Variants in MYOM1 observed in about 807,000 individuals in gnomAD.
The protein encoded by MYOM1 is myomesin 1.
A neutral mutation model predicts 205.3 loss-of-function variants in MYOM1; 164 were observed. The observed-to-expected ratio is 0.80, with a 90% CI of 0.70 to 0.91. The LOEUF (loss-of-function observed/expected upper bound fraction) is 0.91. MYOM1 is among the 40% of genes least tolerant of loss of function. The pLI, the probability that MYOM1 is intolerant of heterozygous loss-of-function variation, is 0.00. For synonymous variants in MYOM1, 772 were observed against 789.4 expected, an observed-to-expected ratio of 0.98 and a Z score of 0.37; for missense variants, 2,011 against 2,127.3, an observed-to-expected ratio of 0.95 and a Z score of 1.08.
intron 13 of MYOM1, among the ~76,000 whole-genome samples, chr18:3,148,844 C>CAAAA (rs71159049): frequency 4.6e-4 from 22 of 47,944 alleles, no homozygotes; most frequent in African/African-American, 7.2e-4. Context: ...AGACTCCATC[C>CAAAA]AAAAAAAAAA....
intron 10 of MYOM1, among the ~76,000 whole-genome samples, chr18:3,158,930 TG>T (rs770308879): frequency 2.0e-5 from 3 of 152,238 alleles, no homozygotes; most frequent in Non-Finnish European, 4.4e-5. Flanking sequence ...CAATTTTCAT[TG>T]TTTTGATTGC....
chr18:3,175,994 C>A (rs1352135456), intron 6 of MYOM1, 48 bp downstream of exon 6: 1 of 1,197,820 alleles, frequency 8.3e-7, no homozygotes, highest in Non-Finnish European at 1.2e-6. Context: ...GGGTGAGAAG[C>A]CTCCCTGAGC....
the MYOM1 span, among the ~76,000 whole-genome samples, chr18:3,238,392 G>T: frequency 1.3e-5 from 2 of 151,966 alleles, no homozygotes; most frequent in Non-Finnish European, 2.9e-5. Flanking sequence ...GGAGGCAGGG[G>T]GTGTTGGGGA....
At chr18:3,241,111 G>A in the MYOM1 span, among the ~76,000 whole-genome samples, 7 of 152,194 alleles carry the variant, frequency 4.6e-5, no homozygotes, top group Non-Finnish European at 1.0e-4. Flanking sequence ...GCCTGAAAAT[G>A]CAATAGAAAA....
intron 11 of MYOM1, among the ~76,000 whole-genome samples, chr18:3,153,571 G>A (rs1466673218): frequency 1.3e-5 from 2 of 152,044 alleles, no homozygotes; most frequent in Non-Finnish European, 2.9e-5. Context: ...ATGTGCCAAA[G>A]ACAATAAAGC....
At chr18:3,163,613 C>T (rs530095212) in intron 10 of MYOM1, among the ~76,000 whole-genome samples, 6 of 152,080 alleles carry the variant, frequency 3.9e-5, no homozygotes, top group East Asian at 3.9e-4. Context: ...CCACCATGCC[C>T]GGCTAATTTT....
chr18:3,191,488 T>C (rs2080904713), intron 3 of MYOM1, among the ~76,000 whole-genome samples: 1 of 152,178 alleles, frequency 6.6e-6, no homozygotes, highest in Admixed American at 6.5e-5. Flanking sequence ...ATGGTTTATA[T>C]AAAGCACCTT....
Position 3,188,788 on chromosome 18 carries a change from A to C in MYOM1, c.731T>G (p.Val244Gly). Residue 244 changes from valine to glycine, a missense_variant, in exon 4 of 38, where the codon GTG becomes GGG. Physicochemically the swap from Val to Gly is moderately radical, Grantham distance 109. Transcript: ENST00000356443. ...CAGGCGTTCTGCCTTTTCTCGAATC[A>C]CAACTTTCCTTGACTTCTTTTCAGA... is the stretch of plus-strand genomic sequence containing the variant. ...ETSEKKSRKV[V>G]IREKAERLSL... 1.9e-6 allele frequency: 3 copies of C among 1,604,102 alleles called. No homozygotes were observed. Among genetic ancestry groups the C allele is most frequent in the Non-Finnish European group, 1.7e-6 (2 of 1,173,058 alleles).
At chr18:3,090,287 T>C (rs1207802670) in intron 27 of MYOM1, among the ~76,000 whole-genome samples, 1 of 150,978 alleles carries the variant, frequency 6.6e-6, no homozygotes, top group African/African-American at 2.4e-5. Context: ...TGGTGCGATC[T>C]TGGCTCACTG....
At chr18:3,232,436 G>T in the MYOM1 span, among the ~76,000 whole-genome samples, 6 of 152,306 alleles carry the variant, frequency 3.9e-5, no homozygotes, top group African/African-American at 1.4e-4. Flanking sequence ...ATCAGTGGTT[G>T]TGTGGGTCTG....
At chr18:3,157,140 G>A (rs966706850) in intron 10 of MYOM1, among the ~76,000 whole-genome samples, 4 of 152,202 alleles carry the variant, frequency 2.6e-5, no homozygotes, top group Admixed American at 2.0e-4. Flanking sequence ...CCCCTGCATT[G>A]ATAGAGCAGA....
chr18:3,215,157 G>GGAGGT lies in MYOM1; in HGVS notation c.66_67insACCTC (p.Arg23ThrfsTer6). 3.1e-6 allele frequency: 5 copies of GGAGGT among 1,613,660 alleles called. No individual in the cohort carries two copies. Among genetic ancestry groups the GGAGGT allele is most frequent in the South Asian group, 1.1e-5 (1 of 90,962 alleles). On this transcript the variant is annotated frameshift_variant, in exon 2 of 38. Coordinates refer to ENST00000356443, the MANE Select transcript of MYOM1 (RefSeq NM_003803.4). LOFTEE classifies it high-confidence loss of function. ...CGCTGGTAGTGACTCACGGTGCTGC[G>GGAGGT]CACGTCCTTGTTGCGGTAGCTGAGA...
intron 21 of MYOM1, among the ~76,000 whole-genome samples, chr18:3,115,235 T>G (rs8098929): frequency 6.6e-6 from 1 of 152,098 alleles, no homozygotes; most frequent in Non-Finnish European, 1.5e-5. Flanking sequence ...CATGAAAAGA[T>G]GACCTGTCTT....
At position 3,188,666 on chromosome 18, in the gene MYOM1, TACACAC is replaced by T. The variant is rs144550875; in HGVS notation, c.771+76_771+81del. On this transcript the variant is annotated intron_variant, in intron 4 of 37. Coordinates refer to ENST00000356443, the MANE Select transcript of MYOM1 (RefSeq NM_003803.4). ...AAAAAGAAACAAATCAATCTATATCTACACACACACACACACACACACACACCCCTT... is the reference window on the plus strand; with the variant it reads ...AAAAAGAAACAAATCAATCTATATCTACACACACACACACACACACCCCTT... The T allele has an allele frequency of 0.063, 69,597 of 1,111,602 alleles. 1,866 individuals are homozygous for T. Among genetic ancestry groups the T allele is most frequent in the African/African-American group, 0.18 (11,296 of 61,502 alleles). 68.9% of individuals were successfully genotyped at this position (1,111,602 alleles called of 1,614,324 possible). A position where few individuals can be genotyped will look rare whatever the true frequency, so the allele number is the denominator to read the frequency against.
At chr18:3,171,783 A>T (rs2080560799) in intron 8 of MYOM1, among the ~76,000 whole-genome samples, 1 of 152,238 alleles carries the variant, frequency 6.6e-6, no homozygotes, top group African/African-American at 2.4e-5. Context: ...ATTGGAACAC[A>T]GCCATGCTCA....
At position 3,067,442 on chromosome 18, in the gene MYOM1, C is replaced by T. The variant is rs755824393; in HGVS notation, c.4878G>A (p.Gly1626=). ...CGTTGATGGTGAAGTACGCGGTCCT[C>T]CCAGCCTCGAACTTGAGGTTGCAGT... ...DDHCNLKFEA[G]RTAYFTINGV... The change falls in exon 38 of 38, where the codon GGG becomes GGA. Residue 1626 remains glycine (G), a synonymous_variant. Transcript: ENST00000356443. 1 of 1,613,750 alleles carries T rather than the reference C, an allele frequency of 6.2e-7. No individual in the cohort carries two copies. Among genetic ancestry groups the T allele is most frequent in the Non-Finnish European group, 8.5e-7 (1 of 1,179,910 alleles).
Position 3,189,044 on chromosome 18 carries a change from T to G in MYOM1, c.475A>C (p.Ile159Leu). ...SGITDTEEER[I>L]KEAAAYIAQR... Reference sequence around the variant, plus strand: ...GCTATATAAGCAGCAGCTTCTTTAATTCTTTCTTCTTCCGTATCAGTAATT... The same window carrying G: ...GCTATATAAGCAGCAGCTTCTTTAAGTCTTTCTTCTTCCGTATCAGTAATT... Residue 159 changes from isoleucine to leucine, a missense_variant, in exon 4 of 38, where the codon ATT becomes CTT. Coordinates refer to ENST00000356443, the MANE Select transcript of MYOM1 (RefSeq NM_003803.4). This position sits in a 1 kb window ranked among gnomAD's most constrained non-coding sequence, Gnocchi z 4.8. The G allele has an allele frequency of 1.2e-6, 2 of 1,613,606 alleles. No individual in the cohort carries two copies. Among genetic ancestry groups the G allele is most frequent in the Non-Finnish European group, 8.5e-7 (1 of 1,179,748 alleles).
intron 11 of MYOM1, among the ~76,000 whole-genome samples, 185 bp downstream of exon 11, chr18:3,154,762 A>G (rs541405407): frequency 6.6e-6 from 1 of 151,304 alleles, no homozygotes; most frequent in South Asian, 2.1e-4. Context: ...TACAGAGAGA[A>G]AGAGAGAGCG....
chr18:3,070,786 G>C (rs2078950989), intron 37 of MYOM1, among the ~76,000 whole-genome samples: 1 of 151,814 alleles, frequency 6.6e-6, no homozygotes, highest in African/African-American at 2.4e-5. Flanking sequence ...ACGTGTGTGT[G>C]TTTGTATGAC....
Sources: allele counts gnomAD v4.1 joint callset (sites outside exome capture counted in the v4.1 genomes callset), GRCh38; gene constraint gnomAD v4.1.1; non-coding constraint Gnocchi (gnomAD v3.1); transcripts MANE v1.5; gene names NCBI Gene and HGNC (gene_info 2026-07-23, HGNC 2026-07-21).